GNG7: variants seen among roughly 807,000 people sequenced by gnomAD.
The protein encoded by GNG7 is G protein subunit gamma 7, also known as guanine nucleotide-binding protein G(I)/G(S)/G(O) subunit gamma-7.
In GNG7, 1 loss-of-function variant was observed where a neutral mutation model predicts 4.0. The ratio of observed to expected loss-of-function variants is 0.25; its 90% CI spans 0.09 to 1.18. The LOEUF (loss-of-function observed/expected upper bound fraction) is 1.18. Ranked by LOEUF, GNG7 falls within the 50% of genes most tolerant of loss-of-function variation. GNG7 has a pLI of 0.50. For missense variants in GNG7, 86 were observed against 91.9 expected, an observed-to-expected ratio of 0.94 and a Z score of 0.26; for synonymous variants, 34 against 36.9, an observed-to-expected ratio of 0.92 and a Z score of 0.29.
chr19:2,684,308 T>C (rs1459607147), intron 1 of GNG7, among the ~76,000 whole-genome samples: 1 of 151,832 alleles, frequency 6.6e-6, no homozygotes, highest in African/African-American at 2.4e-5. Context: ...GGATAATTTT[T>C]GTATTTTTAG....
At chr19:2,549,204 G>T (rs1257167179) in intron 3 of GNG7, among the ~76,000 whole-genome samples, 2 of 152,134 alleles carry the variant, frequency 1.3e-5, no homozygotes, top group African/African-American at 4.8e-5. Flanking sequence ...CGGCAAGAAG[G>T]CAAGTCCAGG....
At chr19:2,553,872 G>A (rs1045810619) in intron 3 of GNG7, among the ~76,000 whole-genome samples, 11 of 146,520 alleles carry the variant, frequency 7.5e-5, no homozygotes, top group Non-Finnish European at 1.5e-4. Flanking sequence ...ATGTAACATT[G>A]CATACATGTA....
intron 2 of GNG7, among the ~76,000 whole-genome samples, chr19:2,602,960 C>CTCTT (rs148115180): frequency 7.0e-6 from 1 of 143,872 alleles, no homozygotes; most frequent in Non-Finnish European, 1.5e-5. Flanking sequence ...TCTTTTCTTT[C>CTCTT]TCTTTCTTTC....
intron 1 of GNG7, among the ~76,000 whole-genome samples, chr19:2,696,328 AAGAAAGAAAGAAAG>A (rs1257744049): frequency 4.5e-4 from 67 of 147,972 alleles, no homozygotes; most frequent in African/African-American, 1.5e-3. Flanking sequence ...GAAAGAAAGA[AAGAAAGAAAGAAAG>A]AAAGAAAAGA....
chr19:2,544,747 C>T (rs538604609), intron 3 of GNG7, among the ~76,000 whole-genome samples: 1 of 152,218 alleles, frequency 6.6e-6, no homozygotes, highest in African/African-American at 2.4e-5. Context: ...AAACCCTGGG[C>T]GATGCCTGAG....
chr19:2,657,315 C>A (rs1391179794), intron 1 of GNG7, among the ~76,000 whole-genome samples: 4 of 108,606 alleles, frequency 3.7e-5, no homozygotes, highest in African/African-American at 4.0e-5. Context: ...CCCTGGGTGA[C>A]AAAGCAAGAC....
At chr19:2,657,427 A>G (rs1349043979) in intron 1 of GNG7, among the ~76,000 whole-genome samples, 1 of 139,528 alleles carries the variant, frequency 7.2e-6, no homozygotes, top group Non-Finnish European at 1.5e-5. Flanking sequence ...TCCTAAAAAG[A>G]GAAACAGTAC....
intron 1 of GNG7, among the ~76,000 whole-genome samples, chr19:2,701,541 A>C (rs1300107044): frequency 4.3e-5 from 4 of 93,128 alleles, no homozygotes; most frequent in Non-Finnish European, 8.4e-5. Context: ...GGCTCACCCC[A>C]GCTTTGTCCT....
chr19:2,575,135 A>G (rs1980269387), intron 2 of GNG7, among the ~76,000 whole-genome samples: 1 of 140,952 alleles, frequency 7.1e-6, no homozygotes, highest in African/African-American at 2.7e-5. Flanking sequence ...CCCAGGCTGG[A>G]GTGCAGTGGC....
chr19:2,531,711 C>A (rs1468086632), intron 3 of GNG7, among the ~76,000 whole-genome samples: 1 of 149,670 alleles, frequency 6.7e-6, no homozygotes, highest in Non-Finnish European at 1.5e-5. Context: ...GTGGAGCTTG[C>A]AGTGAACCGA....
intron 1 of GNG7, among the ~76,000 whole-genome samples, chr19:2,671,490 C>T (rs76785341): frequency 0.025 from 3,866 of 152,192 alleles, 189 homozygotes; most frequent in African/African-American, 0.088. Flanking sequence ...GCTTCAGCCG[C>T]CTCCCCGAGA....
At chr19:2,542,826 G>A (rs1599381596) in intron 3 of GNG7, among the ~76,000 whole-genome samples, 1 of 150,780 alleles carries the variant, frequency 6.6e-6, no homozygotes. Context: ...ATCTGCTGCT[G>A]CTAGGTGTTA....
intron 3 of GNG7, among the ~76,000 whole-genome samples, chr19:2,554,941 G>C (rs1251003399): frequency 6.6e-6 from 1 of 152,114 alleles, no homozygotes; most frequent in East Asian, 1.9e-4. Context: ...GCAGACAGTT[G>C]ACGCGAACCC....
intron 2 of GNG7, among the ~76,000 whole-genome samples, chr19:2,566,269 G>A (rs1979905641): frequency 6.6e-6 from 1 of 152,208 alleles, no homozygotes; most frequent in South Asian, 2.1e-4. Context: ...ACAAGGCAGA[G>A]ATTGGGGGTG....
At chr19:2,525,413 T>C (rs1468266112) in intron 3 of GNG7, among the ~76,000 whole-genome samples, 2 of 152,148 alleles carry the variant, frequency 1.3e-5, no homozygotes, top group South Asian at 2.1e-4. Context: ...AAAAGGCTCA[T>C]AGCCACACCC....
chr19:2,555,606 G>C (rs1228933468), intron 2 of GNG7, among the ~76,000 whole-genome samples: 1 of 152,164 alleles, frequency 6.6e-6, no homozygotes, highest in Admixed American at 6.6e-5. Context: ...TGTAAGCCAC[G>C]TGCCGGGCAA....
chr19:2,682,613 A>T (rs1012849921), intron 1 of GNG7, among the ~76,000 whole-genome samples: 4 of 140,290 alleles, frequency 2.9e-5, no homozygotes, highest in Non-Finnish European at 1.5e-5. Context: ...CAGAGATCAC[A>T]CCACTGCACT....
chr19:2,575,866 GAC>G (rs548195190), intron 2 of GNG7, among the ~76,000 whole-genome samples: 1,261 of 112,486 alleles, frequency 0.011, 12 homozygotes, highest in Admixed American at 0.016. Flanking sequence ...GGCACACGCA[GAC>G]ACAGGCACAC....
intron 2 of GNG7, among the ~76,000 whole-genome samples, chr19:2,631,077 G>A (rs1982146618): frequency 6.6e-6 from 1 of 152,134 alleles, no homozygotes; most frequent in African/African-American, 2.4e-5. Context: ...AGCACTGTGT[G>A]GGGCTGAGGA....
Sources: allele counts gnomAD v4.1 joint callset (sites outside exome capture counted in the v4.1 genomes callset), GRCh38; gene constraint gnomAD v4.1.1; transcripts MANE v1.5; gene names NCBI Gene and HGNC (gene_info 2026-07-23, HGNC 2026-07-21).